Variants in LHX4 observed in about 807,000 individuals in gnomAD.
LHX4 encodes LIM homeobox 4, also known as LIM/homeobox protein Lhx4.
A neutral mutation model predicts 39.2 loss-of-function variants in LHX4; 16 were observed. The ratio of observed to expected loss-of-function variants is 0.41; its 90% CI spans 0.28 to 0.62. The LOEUF (loss-of-function observed/expected upper bound fraction) is 0.62, where lower values mean the gene tolerates loss of function less well. Ranked by LOEUF, LHX4 falls within the 20% of genes least tolerant of loss-of-function variation. LHX4 has a pLI of 0.33. For synonymous variants in LHX4, 206 were observed against 198.1 expected (o/e 1.04, Z -0.33); for missense variants, 439 against 511.9 (o/e 0.86, Z 1.37).
chr1:180,257,582 G>T (rs546829758), intron 2 of LHX4, among the ~76,000 whole-genome samples: 15 of 152,314 alleles, frequency 9.8e-5, no homozygotes, highest in African/African-American at 3.6e-4. Context: ...GGTGATATAT[G>T]TTGGAAATAT....
Position 180,274,500 on chromosome 1 carries a change from C to T in LHX4, c.1094C>T (p.Thr365Ile), listed in dbSNP as rs748780131. The change falls in exon 6 of 6, where the codon ACA becomes ATA. Residue 365 changes from threonine (T) to isoleucine (I), a missense_variant. Coordinates refer to ENST00000263726, the MANE Select transcript of LHX4 (RefSeq NM_033343.4). ...MAGGPTSDIS[T>I]GSSVGYPDFP... Reference sequence around the variant, plus strand: ...GGGGGACCCACCTCTGACATCTCCACAGGAAGCAGTGTAGGCTATCCCGAC... The same window carrying T: ...GGGGGACCCACCTCTGACATCTCCATAGGAAGCAGTGTAGGCTATCCCGAC... 4 of 1,613,438 alleles carry T rather than the reference C, an allele frequency of 2.5e-6. No homozygotes were observed. Among genetic ancestry groups the T allele is most frequent in the African/African-American group, 2.7e-5 (2 of 74,930 alleles).
At chr1:180,256,002 C>T (rs574526479) in intron 2 of LHX4, among the ~76,000 whole-genome samples, 203 of 152,336 alleles carry the variant, frequency 1.3e-3, no homozygotes, top group South Asian at 4.8e-3. Flanking sequence ...CAGCAGCCAG[C>T]GGCACCTGCC....
intron 1 of LHX4, among the ~76,000 whole-genome samples, chr1:180,245,462 CAG>C (rs1474381343): frequency 6.6e-6 from 1 of 152,202 alleles, no homozygotes; most frequent in East Asian, 1.9e-4. Flanking sequence ...CTGCATGGGG[CAG>C]ACAGGCATGG....
chr1:180,243,154 A>T (rs1356187451), intron 1 of LHX4, among the ~76,000 whole-genome samples: 1 of 151,742 alleles, frequency 6.6e-6, no homozygotes, highest in Non-Finnish European at 1.5e-5. Flanking sequence ...ATGCCTGGCT[A>T]ATTTTTGTTT....
chr1:180,231,908 G>A (rs1664192343), intron 1 of LHX4, among the ~76,000 whole-genome samples: 1 of 152,166 alleles, frequency 6.6e-6, no homozygotes, highest in South Asian at 2.1e-4. Flanking sequence ...GACTAGAAAA[G>A]AATAGCTTCA....
rs1283955418 is a variant in LHX4, at chr1:180,274,360, G to A, written c.954G>A (p.Ser318=). 1.2e-6 allele frequency: 2 copies of A among 1,614,178 alleles called. No individual in the cohort carries two copies. The highest frequency in any genetic ancestry group is 8.5e-7 in the Non-Finnish European group (1 of 1,180,038). The part of the protein sequence containing the change: ...YGIPQSPSSI[S]SLPSHAPLLN... ...TCCCCCAGTCTCCATCCTCCATATC[G>A]TCCCTGCCATCCCACGCTCCTTTGC... is the stretch of plus-strand genomic sequence containing the variant. The change falls in exon 6 of 6, where the codon TCG becomes TCA. Residue 318 remains serine, a synonymous_variant. Transcript: ENST00000263726.
rs1647473122 is a variant in LHX4 at position 180,248,459 on chromosome 1, A to G, written c.248+3A>G. 7 of 1,614,052 alleles carry G rather than the reference A, an allele frequency of 4.3e-6. No homozygotes were observed. In the South Asian group the frequency reaches 7.7e-5, roughly 18 times the overall value. On this transcript the variant is annotated splice_donor_region_variant and intron_variant, in intron 2 of 5. Transcript: ENST00000263726. ...TACTGCAAGGAGGACTTCTTCAAGTAAGTCAGAACGGTCCGTCTCGTGGCC... is the reference window on the plus strand; with the variant it reads ...TACTGCAAGGAGGACTTCTTCAAGTGAGTCAGAACGGTCCGTCTCGTGGCC...
At chr1:180,256,194 C>G (rs530357541) in intron 2 of LHX4, among the ~76,000 whole-genome samples, 5 of 152,310 alleles carry the variant, frequency 3.3e-5, no homozygotes, top group Admixed American at 2.0e-4. Flanking sequence ...GGTCCTTTCC[C>G]CTCCTTCCCT....
At chr1:180,238,767 G>T (rs1181290394) in intron 1 of LHX4, among the ~76,000 whole-genome samples, 1 of 152,158 alleles carries the variant, frequency 6.6e-6, no homozygotes, top group Non-Finnish European at 1.5e-5. Flanking sequence ...TAGAATAAGT[G>T]AAAATATAAA....
intron 1 of LHX4, among the ~76,000 whole-genome samples, chr1:180,244,424 G>A (rs1647310565): frequency 6.6e-6 from 1 of 152,034 alleles, no homozygotes; most frequent in South Asian, 2.1e-4. Flanking sequence ...AGGCTGAAAC[G>A]ACTTGTCTGT....
Position 180,274,729 on chromosome 1 carries a change from T to A in LHX4, c.*150T>A. On this transcript the variant is annotated 3_prime_UTR_variant, in exon 6 of 6. Transcript: ENST00000263726. Reference sequence around the variant, plus strand: ...TCCTCCGCTGATTCCTAGAAGGCTGTGAGACCACACTAGGGCATTGTTTCC... The same window carrying A: ...TCCTCCGCTGATTCCTAGAAGGCTGAGAGACCACACTAGGGCATTGTTTCC... 3.3e-6 allele frequency: 3 copies of A among 910,602 alleles called. No homozygotes were observed. The highest frequency in any genetic ancestry group is 4.9e-6 in the Non-Finnish European group (3 of 614,088). The allele number at this position is 910,602 out of a possible 1,614,324, so 56.4% of individuals were successfully genotyped here.
rs1664211673 is a variant in LHX4 at position 180,232,832 on chromosome 1, G to A, written c.76+2227G>A. On this transcript the variant is annotated intron_variant, in intron 1 of 5. Transcript: ENST00000263726. This position sits in a 1 kb window ranked among gnomAD's most constrained non-coding sequence, Gnocchi z 5.4. ...GACTGGGCCCAGTGGCCTAAGAAGGGGGGAAGCTCGAGGGGTTGTGGGGCA... is the reference window on the plus strand; with the variant it reads ...GACTGGGCCCAGTGGCCTAAGAAGGAGGGAAGCTCGAGGGGTTGTGGGGCA... 6.6e-6 allele frequency among the ~76,000 whole-genome samples: 1 copy of A among 152,220 alleles called. No homozygotes were observed. Among genetic ancestry groups the A allele is most frequent in the Non-Finnish European group, 1.5e-5 (1 of 68,032 alleles).
chr1:180,262,052 G>A (rs1648131643), intron 2 of LHX4, among the ~76,000 whole-genome samples: 1 of 152,158 alleles, frequency 6.6e-6, no homozygotes, highest in Non-Finnish European at 1.5e-5. Context: ...GGGTTGCACT[G>A]GACCAAAGGC....
At chr1:180,235,268 G>A (rs1664288127) in intron 1 of LHX4, among the ~76,000 whole-genome samples, 1 of 152,240 alleles carries the variant, frequency 6.6e-6, no homozygotes, top group Non-Finnish European at 1.5e-5. Flanking sequence ...ATTATCTCAG[G>A]TAGCCCAGAG....
In LHX4 at chr1:180,276,545, T is replaced by C. The variant is rs2764452; in HGVS notation, c.*1966T>C. 1 of 152,180 alleles carries C rather than the reference T, an allele frequency of 6.6e-6. No individual in the cohort carries two copies. Among genetic ancestry groups the C allele is most frequent in the Non-Finnish European group, 1.5e-5 (1 of 68,016 alleles). The allele number at this position is 152,180 out of a possible 1,614,324, so 9.4% of individuals were successfully genotyped here. A position where few individuals can be genotyped will look rare whatever the true frequency, so the allele number is the denominator to read the frequency against. On this transcript the variant is annotated 3_prime_UTR_variant, in exon 6 of 6. Transcript: ENST00000263726. ...GTTAATCCTAGCCAATTCTGTGCTA[T>C]TGGGAATTCTCCAATCATGAACACT...
At chr1:180,265,354 G>A (rs567283490) in intron 2 of LHX4, among the ~76,000 whole-genome samples, 13 of 152,268 alleles carry the variant, frequency 8.5e-5, no homozygotes, top group Non-Finnish European at 1.6e-4. Context: ...CTCCTGAAGC[G>A]GGGAAGGCTC....
intron 2 of LHX4, among the ~76,000 whole-genome samples, chr1:180,259,552 T>C (rs1222944939): frequency 6.7e-6 from 1 of 149,754 alleles, no homozygotes; most frequent in African/African-American, 2.5e-5. Flanking sequence ...CCATGGGAAA[T>C]GGGAGGGCGC....
intron 2 of LHX4, among the ~76,000 whole-genome samples, chr1:180,254,163 A>T (rs1407029017): frequency 6.6e-6 from 1 of 152,046 alleles, no homozygotes; most frequent in Non-Finnish European, 1.5e-5. Context: ...GGGGGCGTGG[A>T]GTGACTCTCG....
rs1425399691 is a variant in LHX4, at chr1:180,266,683, C to T, written c.451+89C>T. The T allele has an allele frequency of 3.2e-6, 4 of 1,260,864 alleles. No individual in the cohort carries two copies. The highest frequency in any genetic ancestry group is 4.5e-6 in the Non-Finnish European group (4 of 885,828). 78.1% of individuals were successfully genotyped at this position (1,260,864 alleles called of 1,614,324 possible). On this transcript the variant is annotated intron_variant, in intron 3 of 5. Transcript: ENST00000263726. The surrounding 1 kb of genome is among the most constrained non-coding windows in gnomAD (Gnocchi z 5.7). Reference sequence around the variant, plus strand: ...GAGGTGCCCTTCTCATGGCGTCCCACCTGCCCATCCCTCAGAGCCCTACTC... The same window carrying T: ...GAGGTGCCCTTCTCATGGCGTCCCATCTGCCCATCCCTCAGAGCCCTACTC...
Sources: gnomAD v4.1 joint callset for allele counts (sites outside exome capture counted in the v4.1 genomes callset) on GRCh38, gnomAD v4.1.1 for gene constraint, Gnocchi (gnomAD v3.1) non-coding constraint, MANE v1.5 for transcripts, NCBI Gene and HGNC (gene_info 2026-07-23, HGNC 2026-07-21) for gene names.